Variants in NCAPD3 observed in about 807,000 individuals in gnomAD.
The protein encoded by NCAPD3 is condensin-2 complex subunit D3.
A neutral mutation model predicts 182.9 loss-of-function variants in NCAPD3; 105 were observed. The ratio of observed to expected loss-of-function variants is 0.57; its 90% CI spans 0.49 to 0.68. The LOEUF is 0.68. NCAPD3 is among the 30% of genes least tolerant of loss of function. NCAPD3 has a pLI of 0.00. For synonymous variants in NCAPD3, 815 were observed against 679.9 expected, an observed-to-expected ratio of 1.20 and a Z score of -3.09; for missense variants, 1,944 against 1,837.0, an observed-to-expected ratio of 1.06 and a Z score of -1.07.
intron 32 of NCAPD3, among the ~76,000 whole-genome samples, chr11:134,155,006 C>T (rs1291094622): frequency 1.3e-5 from 2 of 152,176 alleles, no homozygotes; most frequent in African/African-American, 2.4e-5. Flanking sequence ...AGCCCATATG[C>T]ACTCCAGGAA....
chr11:134,167,756 A>G (rs1212812778), intron 27 of NCAPD3, among the ~76,000 whole-genome samples: 1 of 111,174 alleles, frequency 9.0e-6, no homozygotes, highest in Non-Finnish European at 1.8e-5. Context: ...TAGGGAGAGC[A>G]GCACACTCAC....
intron 27 of NCAPD3, among the ~76,000 whole-genome samples, chr11:134,164,150 C>T (rs1419374361): frequency 6.6e-6 from 1 of 152,104 alleles, no homozygotes; most frequent in Non-Finnish European, 1.5e-5. Context: ...AGGAGGAAAA[C>T]ACAGGCCTGC....
chr11:134,159,662 C>T (rs1486808108), intron 29 of NCAPD3, among the ~76,000 whole-genome samples: 1 of 152,244 alleles, frequency 6.6e-6, no homozygotes, highest in Non-Finnish European at 1.5e-5. Context: ...GCTACTGCTG[C>T]TGCCAGCTCG....
chr11:134,193,513 G>A (rs1448630704), intron 15 of NCAPD3, among the ~76,000 whole-genome samples: 1 of 152,236 alleles, frequency 6.6e-6, no homozygotes, highest in African/African-American at 2.4e-5. Context: ...AGCACTTTGG[G>A]AGGCCAAGGC....
intron 17 of NCAPD3, 65 bp downstream of exon 17, chr11:134,185,270 T>G (rs915131227): frequency 7.1e-7 from 1 of 1,403,978 alleles, no homozygotes; most frequent in Non-Finnish European, 9.6e-7. Context: ...CTCACTTCCT[T>G]AAGTCTTGGG....
At chr11:134,166,860 A>C (rs1296647987) in intron 27 of NCAPD3, among the ~76,000 whole-genome samples, 2 of 89,346 alleles carry the variant, frequency 2.2e-5, no homozygotes, top group Admixed American at 2.6e-4. Context: ...CACTCATGAG[A>C]GGAGCTTAGG....
At chr11:134,165,435 G>A (rs553201588) in intron 27 of NCAPD3, among the ~76,000 whole-genome samples, 1 of 149,352 alleles carries the variant, frequency 6.7e-6, no homozygotes, top group South Asian at 2.2e-4. Context: ...GCACACTCGT[G>A]AGATGAGCTT....
Position 134,168,297 on chromosome 11 carries a change from G to A in NCAPD3, c.3374-102C>T, listed in dbSNP as rs545624693. Reference sequence around the variant, plus strand: ...CTGGGGGGCCATCTGAGGCTGTCAGGGGGTCTGCAAGGGTGTTTTGTCTGG... The same window carrying A: ...CTGGGGGGCCATCTGAGGCTGTCAGAGGGTCTGCAAGGGTGTTTTGTCTGG... On this transcript the variant is annotated intron_variant, in intron 26 of 34. Coordinates refer to ENST00000534548, the MANE Select transcript of NCAPD3 (RefSeq NM_015261.3). 30 of 1,437,840 alleles carry A rather than the reference G, an allele frequency of 2.1e-5. No homozygotes were observed. In the African/African-American group the frequency reaches 2.9e-4, roughly 14 times the overall value. The allele number at this position is 1,437,840 out of a possible 1,614,324, so 89.1% of individuals were successfully genotyped here. A position where few individuals can be genotyped will look rare whatever the true frequency, so the allele number is the denominator to read the frequency against.
rs780003837 is a variant in NCAPD3, at chr11:134,153,320, G to T, written c.4296C>A (p.Ile1432=). The T allele has an allele frequency of 3.1e-6, 5 of 1,614,044 alleles. No individual in the cohort carries two copies. In the African/African-American group the frequency reaches 6.7e-5, roughly 22 times the overall value. ...CTGACGACGGAGTCCGTGGTGTCCC[G>T]ATGTAACTGACCCCTGCTCCAAACG... is the stretch of plus-strand genomic sequence containing the variant. ...DVTFGAGVSY[I]GTPRTPSSAK... Residue 1432 remains isoleucine, a synonymous_variant, in exon 33 of 35, where the codon ATC becomes ATA. Coordinates refer to ENST00000534548, the MANE Select transcript of NCAPD3 (RefSeq NM_015261.3).
intron 28 of NCAPD3, among the ~76,000 whole-genome samples, chr11:134,160,889 G>A (rs539984575): frequency 1.3e-5 from 2 of 151,978 alleles, no homozygotes; most frequent in South Asian, 2.1e-4. Context: ...CAAGCAGGAG[G>A]AAGGCTTATT....
At position 134,177,225 on chromosome 11, in the gene NCAPD3, G is replaced by A. The variant is rs1245391109; in HGVS notation, c.3015C>T (p.Leu1005=). The change falls in exon 23 of 35, where the codon CTC becomes CTT. Residue 1005 remains leucine (L), a synonymous_variant. Transcript: ENST00000534548. ...ATTGAACCCCCCTACGCACCTGCAA[G>A]AGATTGGTAAGCAAGATGAGTGTCT... ...RKQTLILLTN[L]LQEEFVKWKG... is the part of the protein sequence containing the mutation. 3 of 1,613,102 alleles carry A rather than the reference G, an allele frequency of 1.9e-6. No homozygotes were observed. Among genetic ancestry groups the A allele is most frequent in the Non-Finnish European group, 2.5e-6 (3 of 1,179,010 alleles).
Position 134,161,686 on chromosome 11 carries a change from C to T in NCAPD3, c.3684+95G>A, listed in dbSNP as rs1308798975. ...GGTTTGCAGAATTTGGGGTTCTAAT[C>T]ATTCACGGATTGCCTGCACTGTCAT... On this transcript the variant is annotated intron_variant, in intron 28 of 34. Transcript: ENST00000534548. 3 of 750,344 alleles carry T rather than the reference C, an allele frequency of 4.0e-6. No homozygotes were observed. In the East Asian group the frequency reaches 8.4e-5, roughly 21 times the overall value. The allele number at this position is 750,344 out of a possible 1,614,324, so 46.5% of individuals were successfully genotyped here.
rs191743850 is a variant in NCAPD3, at chr11:134,213,309, C to G, written c.383-2855G>C. ...ACTGCACTCCAGCCTGGGTGACAGA[C>G]TGAGACCCTGGACCTCTCTTTTTTT... is the stretch of plus-strand genomic sequence containing the variant. On this transcript the variant is annotated intron_variant, in intron 3 of 34. Transcript: ENST00000534548. 4.2e-3 allele frequency among the ~76,000 whole-genome samples: 634 copies of G among 151,814 alleles called. 4 individuals are homozygous for G. The highest frequency in any genetic ancestry group is 0.015 in the African/African-American group (608 of 41,440).
Position 134,185,540 on chromosome 11 carries a change from AGAT to A in NCAPD3, c.2046-17_2046-15del. 1 of 1,569,112 alleles carries A rather than the reference AGAT, an allele frequency of 6.4e-7. No individual in the cohort carries two copies. Among genetic ancestry groups the A allele is most frequent in the Non-Finnish European group, 8.7e-7 (1 of 1,155,150 alleles). On this transcript the variant is annotated splice_polypyrimidine_tract_variant and intron_variant, in intron 16 of 34. Coordinates refer to ENST00000534548, the MANE Select transcript of NCAPD3 (RefSeq NM_015261.3). The stretch of plus-strand genomic sequence containing the variant: ...TTTAAATATCGGCTGGAAAAAAAAA[AGAT>A]AGAAAAGCAGAATTGCAACTGTAAA...
intron 24 of NCAPD3, among the ~76,000 whole-genome samples, chr11:134,170,710 T>C (rs1943986428): frequency 6.6e-6 from 1 of 152,248 alleles, no homozygotes; most frequent in African/African-American, 2.4e-5. Flanking sequence ...CTGCGGAGTT[T>C]AAGCCCTAGT....
At position 134,204,049 on chromosome 11, in the gene NCAPD3, G is replaced by T. The variant is rs747909211; in HGVS notation, c.1212C>A (p.Ser404=). The T allele has an allele frequency of 3.1e-6, 5 of 1,613,948 alleles. No homozygotes were observed. The African/African-American group carries it at 6.7e-5, about 22-fold the overall frequency. ...TTTATGCAGAGCTATCTCCTACCTT[G>T]GAACTTCGGGAGTATTTGTAAAGCC... The part of the protein sequence containing the change: ...IAWLYKYSRS[S]KIPHRVFTLD... The change falls in exon 10 of 35, where the codon TCC becomes TCA. Residue 404 remains serine (S), a synonymous_variant. Transcript: ENST00000534548. The surrounding 1 kb of genome is among the most constrained non-coding windows in gnomAD (Gnocchi z 4.3).
At chr11:134,183,919 A>G (rs1208457347) in intron 19 of NCAPD3, among the ~76,000 whole-genome samples, 1 of 152,232 alleles carries the variant, frequency 6.6e-6, no homozygotes, top group Non-Finnish European at 1.5e-5. Flanking sequence ...CCCAGCAATT[A>G]TTTAATTTTT....
In NCAPD3 at chr11:134,153,332, C is replaced by T; in HGVS notation, c.4284G>A (p.Gly1428=). Residue 1428 remains glycine, a synonymous_variant, in exon 33 of 35, where the codon GGG becomes GGA. Coordinates refer to ENST00000534548, the MANE Select transcript of NCAPD3 (RefSeq NM_015261.3). ...TCCGTGGTGTCCCGATGTAACTGAC[C>T]CCTGCTCCAAACGTGACATCACTGA... ...KSISDVTFGA[G]VSYIGTPRTP... 1 of 1,614,138 alleles carries T rather than the reference C, an allele frequency of 6.2e-7. No homozygotes were observed. The highest frequency in any genetic ancestry group is 8.5e-7 in the Non-Finnish European group (1 of 1,180,026).
intron 2 of NCAPD3, 57 bp from the exon 3 acceptor site, chr11:134,217,155 TATTATTTG>T: frequency 1.4e-6 from 2 of 1,434,628 alleles, no homozygotes; most frequent in Non-Finnish European, 1.8e-6. Context: ...AAACATTTCC[TATTATTTG>T]ATTTTTGTAA....
Sources: gnomAD v4.1 joint callset for allele counts (sites outside exome capture counted in the v4.1 genomes callset) on GRCh38, gnomAD v4.1.1 for gene constraint, Gnocchi (gnomAD v3.1) non-coding constraint, MANE v1.5 for transcripts, NCBI Gene and HGNC (gene_info 2026-07-23, HGNC 2026-07-21) for gene names.